PCDH7: variants seen among roughly 807,000 people sequenced by gnomAD.
PCDH7 encodes the protein protocadherin-7.
PCDH7 carries 17 observed loss-of-function variants against 58.9 expected under a neutral mutation model. That is an observed-to-expected ratio of 0.29 (90% confidence interval 0.20 to 0.43). The LOEUF is 0.43. PCDH7 is among the 20% of genes least tolerant of loss of function. The pLI is 1.00. For synonymous variants in PCDH7, 664 were observed against 616.4 expected (o/e 1.08, Z -1.14); for missense variants, 1,274 against 1,441.0 (o/e 0.88, Z 1.88).
chr4:30,762,860 T>C (rs150951250), intron 1 of PCDH7, among the ~76,000 whole-genome samples: 36 of 152,314 alleles, frequency 2.4e-4, no homozygotes, highest in African/African-American at 8.4e-4. Context: ...GTCATTAGAA[T>C]GGACATACAA....
At chr4:30,936,089 T>C (rs1283336993) in intron 2 of PCDH7, among the ~76,000 whole-genome samples, 1 of 152,048 alleles carries the variant, frequency 6.6e-6, no homozygotes, top group Non-Finnish European at 1.5e-5. Context: ...TTTACTAGAA[T>C]GATAAAATAG....
At chr4:30,725,398 T>C in intron 1 of PCDH7, 1 of 423,312 alleles carries the variant, frequency 2.4e-6, no homozygotes, top group East Asian at 1.6e-4. Flanking sequence ...TATTTTGGTA[T>C]GCATTATGAT....
intron 1 of PCDH7, among the ~76,000 whole-genome samples, chr4:30,798,357 A>G (rs1725066337): frequency 6.6e-6 from 1 of 152,148 alleles, no homozygotes; most frequent in African/African-American, 2.4e-5. Context: ...CTTACTTGAG[A>G]CGTATCTCCA....
intron 1 of PCDH7, among the ~76,000 whole-genome samples, chr4:30,874,423 A>G (rs1368372489): frequency 6.6e-6 from 1 of 152,070 alleles, no homozygotes; most frequent in Non-Finnish European, 1.5e-5. Context: ...CATCCTTCTC[A>G]GTAAACTATT....
chr4:30,738,782 G>A lies in PCDH7; in HGVS notation c.70+14186G>A, dbSNP rs78366370. ...GCAATAGGAGTTAAGTGGAGAGGGA[G>A]TCAGTTGAAACAGAAATGTAGTCTT... On this transcript the variant is annotated intron_variant, in intron 1 of 3. Coordinates refer to the PCDH7 transcript ENST00000509759. Among the ~76,000 whole-genome samples, 1,093 of 152,246 alleles carry A rather than the reference G, an allele frequency of 7.2e-3. 13 individuals carry two copies. The highest frequency in any genetic ancestry group is 0.025 in the African/African-American group (1,047 of 41,550).
intron 1 of PCDH7, among the ~76,000 whole-genome samples, chr4:30,872,590 T>C (rs1357609398): frequency 1.3e-5 from 2 of 152,006 alleles, no homozygotes; most frequent in African/African-American, 2.4e-5. Context: ...TGACCATCAT[T>C]GGGTAGCTGT....
chr4:31,087,385 A>G (rs1445341537), intron 3 of PCDH7, among the ~76,000 whole-genome samples: 1 of 152,148 alleles, frequency 6.6e-6, no homozygotes, highest in African/African-American at 2.4e-5. Flanking sequence ...GAATGATACT[A>G]TTCTTAAGGA....
chr4:31,030,091 A>G (rs755082880), intron 3 of PCDH7, among the ~76,000 whole-genome samples: 1 of 151,834 alleles, frequency 6.6e-6, no homozygotes, highest in African/African-American at 2.4e-5. Context: ...ACTTCTAACT[A>G]TGACTGACAG....
rs1187016991 is a variant in PCDH7 at position 30,985,999 on chromosome 4, A to G, written c.*7+35784A>G. 4.6e-5 allele frequency among the ~76,000 whole-genome samples: 7 copies of G among 152,198 alleles called. 1 individual carries two copies. Among genetic ancestry groups the G allele is most frequent in the Admixed American group, 4.6e-4 (7 of 15,272 alleles). On this transcript the variant is annotated intron_variant, in intron 3 of 3. Transcript: ENST00000509759. ...CAATGGTGTGTTACACCCCAAGACTATCATAATTATTGTGACTTTTTAAAT... is the reference window on the plus strand; with the variant it reads ...CAATGGTGTGTTACACCCCAAGACTGTCATAATTATTGTGACTTTTTAAAT...
chr4:31,081,377 T>C (rs1253685629), intron 3 of PCDH7, among the ~76,000 whole-genome samples: 1 of 152,224 alleles, frequency 6.6e-6, no homozygotes, highest in African/African-American at 2.4e-5. Context: ...TTCTATTCAA[T>C]TAATTATGAA....
At chr4:30,897,525 CTA>C (rs1456482963) in intron 1 of PCDH7, among the ~76,000 whole-genome samples, 3 of 151,752 alleles carry the variant, frequency 2.0e-5, no homozygotes, top group Non-Finnish European at 4.4e-5. Flanking sequence ...GGATTAATAT[CTA>C]TGTTTTAATT....
rs1391741709 is a variant in PCDH7 at position 30,746,499 on chromosome 4, C to T, written c.70+21903C>T. Among the ~76,000 whole-genome samples, 9 of 152,262 alleles carry T rather than the reference C, an allele frequency of 5.9e-5. No homozygotes were observed. In the East Asian group the frequency reaches 1.5e-3, roughly 26 times the overall value. On this transcript the variant is annotated intron_variant, in intron 1 of 3. Transcript: ENST00000509759. The stretch of plus-strand genomic sequence containing the variant: ...TTGCCTTAATATTTTGGCATCTAAT[C>T]TTCCTAGTGTTTTATGCTGCCAACT...
At chr4:31,140,174 A>T (rs1338719027) in intron 3 of PCDH7, among the ~76,000 whole-genome samples, 1 of 152,170 alleles carries the variant, frequency 6.6e-6, no homozygotes, top group East Asian at 1.9e-4. Context: ...AAGTAAGAAG[A>T]CTTGTTTGAG....
intron 1 of PCDH7, among the ~76,000 whole-genome samples, chr4:30,856,392 C>T (rs892648863): frequency 6.6e-6 from 1 of 152,028 alleles, no homozygotes; most frequent in Non-Finnish European, 1.5e-5. Flanking sequence ...AATATGTTCT[C>T]TTTCCCTTTT....
At chr4:30,792,272 C>T (rs1052505889) in intron 1 of PCDH7, among the ~76,000 whole-genome samples, 2 of 152,220 alleles carry the variant, frequency 1.3e-5, no homozygotes, top group Admixed American at 6.5e-5. Context: ...AATTAATAAT[C>T]GTGACTGGAA....
intron 2 of PCDH7, among the ~76,000 whole-genome samples, chr4:30,928,959 T>C (rs964147397): frequency 1.3e-5 from 2 of 152,172 alleles, no homozygotes; most frequent in Non-Finnish European, 2.9e-5. Context: ...AAATTTATCC[T>C]TGATGAAATT....
At chr4:31,037,744 T>C (rs544084114) in intron 3 of PCDH7, among the ~76,000 whole-genome samples, 31 of 152,358 alleles carry the variant, frequency 2.0e-4, no homozygotes, top group Middle Eastern at 3.4e-3. Context: ...TAGAGACATT[T>C]AGCCAGTTCT....
chr4:30,816,983 G>A (rs1000954997), intron 1 of PCDH7, among the ~76,000 whole-genome samples: 2 of 152,050 alleles, frequency 1.3e-5, no homozygotes, highest in Admixed American at 1.3e-4. Flanking sequence ...GAAATTCAGC[G>A]AGCACATAGA....
chr4:31,035,427 T>A (rs561435125), intron 3 of PCDH7, among the ~76,000 whole-genome samples: 1 of 152,058 alleles, frequency 6.6e-6, no homozygotes, highest in South Asian at 2.1e-4. Context: ...CTAATTTTTG[T>A]ATTTTTAGTA....
Sources: allele counts gnomAD v4.1 joint callset (sites outside exome capture counted in the v4.1 genomes callset), GRCh38; gene constraint gnomAD v4.1.1; transcripts MANE v1.5; gene names NCBI Gene and HGNC (gene_info 2026-07-23, HGNC 2026-07-21).